The following B4GALNT3 variants were observed in gnomAD, a reference collection of about 807,000 sequenced individuals.
B4GALNT3 encodes beta-1,4-N-acetyl-galactosaminyltransferase 3, also known as beta-1,4-N-acetylgalactosaminyltransferase 3.
A neutral mutation model predicts 120.2 loss-of-function variants in B4GALNT3; 86 were observed. The ratio of observed to expected loss-of-function variants is 0.72; its 90% CI spans 0.60 to 0.86. B4GALNT3 has a LOEUF of 0.86. Among genes scored for constraint, B4GALNT3 ranks in the 40% least tolerant of loss-of-function variants. B4GALNT3 has a pLI of 0.00. For missense variants in B4GALNT3, 1,167 were observed against 1,298.9 expected (o/e 0.90, Z 1.56); for synonymous variants, 518 against 510.4 (o/e 1.01, Z -0.20).
Position 553,283 on chromosome 12 carries a change from G to A in B4GALNT3, c.1360G>A (p.Glu454Lys), listed in dbSNP as rs199644183. ...CAACAACCAGAATGCCAGGATGCTTGAGGGAAGACAGACACCTGCCTCCAC... is the reference window on the plus strand; with the variant it reads ...CAACAACCAGAATGCCAGGATGCTTAAGGGAAGACAGACACCTGCCTCCAC... Reference protein sequence around the residue: ...ASNNQNARMLEGRQTPASTLE... With the variant: ...ASNNQNARMLKGRQTPASTLE... Residue 454 changes from glutamate (E) to lysine (K), a missense_variant, in exon 14 of 20, where the codon GAG becomes AAG. Physicochemically the swap from Glu to Lys is moderately conservative, Grantham distance 56. Coordinates refer to ENST00000266383, the MANE Select transcript of B4GALNT3 (RefSeq NM_173593.4). The A allele has an allele frequency of 7.9e-5, 128 of 1,613,526 alleles. 1 individual carries two copies. In the East Asian group the frequency reaches 1.7e-3, roughly 21 times the overall value.
intron 3 of B4GALNT3, among the ~76,000 whole-genome samples, chr12:541,833 C>T (rs149470355): frequency 0.08 from 7,326 of 91,102 alleles, 309 homozygotes; most frequent in East Asian, 0.19. Flanking sequence ...TGCCCAGTCC[C>T]CCCCCTCACC....
intron 1 of B4GALNT3, among the ~76,000 whole-genome samples, chr12:472,717 G>A (rs138982569): frequency 2.0e-5 from 3 of 152,134 alleles, no homozygotes; most frequent in East Asian, 3.9e-4. Flanking sequence ...GATTACAGGC[G>A]TGAGCCACCG....
In B4GALNT3 at chr12:558,062, C is replaced by G. The variant is rs773824391; in HGVS notation, c.2581C>G (p.Leu861Val). The G allele has an allele frequency of 3.7e-6, 6 of 1,613,794 alleles. No individual in the cohort carries two copies. The highest frequency in any genetic ancestry group is 1.6e-4 in the Middle Eastern group (1 of 6,084). Residue 861 changes from leucine to valine, a missense_variant, in exon 17 of 20, where the codon CTT becomes GTT. Leu to Val is a conservative substitution (Grantham distance 32, BLOSUM62 1). Coordinates refer to ENST00000266383, the MANE Select transcript of B4GALNT3 (RefSeq NM_173593.4). Reference sequence around the variant, plus strand: ...TGGAAACTTTGAACGCTCAGCTGGACTTCAGGCTGGCATAGACCTCGTGAA... The same window carrying G: ...TGGAAACTTTGAACGCTCAGCTGGAGTTCAGGCTGGCATAGACCTCGTGAA... ...LSGNFERSAGLQAGIDLVKDP... is the reference protein window; with the variant it reads ...LSGNFERSAGVQAGIDLVKDP...
At chr12:528,846 A>G (rs6489587) in intron 1 of B4GALNT3, among the ~76,000 whole-genome samples, 118,333 of 152,138 alleles carry the variant, frequency 0.78, 46,177 homozygotes, top group African/African-American at 0.81. Context: ...TCATGGCCTC[A>G]TGTTCATTCC....
rs908216849 is a variant in B4GALNT3 at position 504,951 on chromosome 12, C to T, written c.170-30215C>T. Among the ~76,000 whole-genome samples, 121 of 150,670 alleles carry T rather than the reference C, an allele frequency of 8.0e-4. 1 individual carries two copies. The highest frequency in any genetic ancestry group is 3.4e-3 in the Middle Eastern group (1 of 290). ...TGTTGCCCAGGATGGAGTGCAGTGG[C>T]GCGATCTCGGCTCACTGCAACCTCC... On this transcript the variant is annotated intron_variant, in intron 1 of 19. Transcript: ENST00000266383.
In B4GALNT3 at chr12:557,710, G is replaced by A. The variant is rs1947174137; in HGVS notation, c.2483G>A (p.Ser828Asn). 2.5e-6 allele frequency: 4 copies of A among 1,606,184 alleles called. No individual in the cohort carries two copies. Among genetic ancestry groups the A allele is most frequent in the Admixed American group, 3.5e-5 (2 of 57,652 alleles). The change falls in exon 16 of 20, where the codon AGC becomes AAC. Residue 828 changes from serine to asparagine, a missense_variant. Physicochemically the swap from Ser to Asn is conservative, Grantham distance 46 (BLOSUM62 1). This residue lies in a region of B4GALNT3 where 983 missense variants were observed against 1,102.5 expected (regional missense o/e 0.89). Transcript: ENST00000266383. ...PHFNIVITDYSSEDMDVEMAL... is the reference protein window; with the variant it reads ...PHFNIVITDYNSEDMDVEMAL... ...TTCAACATCGTCATCACTGACTATA[G>A]CAGTGAGGACATGGATGTTGAGATG...
chr12:543,652 G>T (rs1382962105), intron 3 of B4GALNT3, among the ~76,000 whole-genome samples: 3 of 75,528 alleles, frequency 4.0e-5, no homozygotes, highest in South Asian at 6.2e-4. Flanking sequence ...GAGCTGAGGA[G>T]CTGGGGCGGG....
chr12:473,957 G>A (rs1299427427), intron 1 of B4GALNT3, among the ~76,000 whole-genome samples: 1 of 152,192 alleles, frequency 6.6e-6, no homozygotes, highest in Non-Finnish European at 1.5e-5. Flanking sequence ...ACAGTCCTAA[G>A]ACAGATAACT....
At position 511,346 on chromosome 12, in the gene B4GALNT3, A is replaced by ACCTTCCACCTTCCACCTT. The variant is rs1946552868; in HGVS notation, c.170-23818_170-23801dup. Among the ~76,000 whole-genome samples the ACCTTCCACCTTCCACCTT allele has an allele frequency of 1.3e-4, 6 of 46,632 alleles. No homozygotes were observed. The Admixed American group carries it at 1.3e-3, about 10-fold the overall frequency. The allele number at this position is 46,632 out of a possible 152,430, so 30.6% of individuals were successfully genotyped here. A position where few individuals can be genotyped will look rare whatever the true frequency, so the allele number is the denominator to read the frequency against. Reference sequence around the variant, plus strand: ...GCCTTCCACCTTCCACCTTCCTTCCACCTTCCACCTTCCACCTTCAACCTT... The same window carrying ACCTTCCACCTTCCACCTT: ...GCCTTCCACCTTCCACCTTCCTTCCACCTTCCACCTTCCACCTTCCTTCCACCTTCCACCTTCAACCTT... On this transcript the variant is annotated intron_variant, in intron 1 of 19. Transcript: ENST00000266383.
rs562054517 is a variant in B4GALNT3, at chr12:547,439, A to G, written c.708-585A>G. On this transcript the variant is annotated intron_variant, in intron 7 of 19. Transcript: ENST00000266383. ...TCACTCATCCTACGCATGCAACAGAAGGCCGTGTGCACCCCATAAATATGC... is the reference window on the plus strand; with the variant it reads ...TCACTCATCCTACGCATGCAACAGAGGGCCGTGTGCACCCCATAAATATGC... Among the ~76,000 whole-genome samples the G allele has an allele frequency of 1.6e-4, 25 of 152,306 alleles. No individual in the cohort carries two copies. In the East Asian group the frequency reaches 2.3e-3, roughly 14 times the overall value.
At chr12:506,646 A>T (rs569544450) in intron 1 of B4GALNT3, among the ~76,000 whole-genome samples, 11 of 147,948 alleles carry the variant, frequency 7.4e-5, no homozygotes, top group South Asian at 2.1e-4. Flanking sequence ...TATTTTATTT[A>T]TTTTTTTTGA....
At chr12:512,173 CCTT>C (rs1946582908) in intron 1 of B4GALNT3, among the ~76,000 whole-genome samples, 1 of 86,532 alleles carries the variant, frequency 1.2e-5, no homozygotes, top group Admixed American at 1.3e-4. Context: ...CCACCTTCCG[CCTT>C]CCGCCTTCCA....
chr12:516,389 C>T (rs74812028), intron 1 of B4GALNT3, among the ~76,000 whole-genome samples: 5,356 of 152,104 alleles, frequency 0.035, 297 homozygotes, highest in African/African-American at 0.12. Context: ...AAGAAACCTT[C>T]GCAGGGAAGT....
At chr12:557,018 C>T in intron 15 of B4GALNT3, 152 bp downstream of exon 15, 1 of 864,356 alleles carries the variant, frequency 1.2e-6, no homozygotes. Flanking sequence ...AAAGGAAAGT[C>T]ACTGGTTTAA....
chr12:477,197 A>G (rs996633306), intron 1 of B4GALNT3, among the ~76,000 whole-genome samples: 1 of 152,198 alleles, frequency 6.6e-6, no homozygotes, highest in Non-Finnish European at 1.5e-5. Context: ...TTGTTTGCTG[A>G]GGATGCCTCC....
intron 1 of B4GALNT3, among the ~76,000 whole-genome samples, chr12:501,621 A>G (rs1201553253): frequency 1.3e-5 from 2 of 152,192 alleles, no homozygotes; most frequent in East Asian, 3.9e-4. Flanking sequence ...TCAGAGAACT[A>G]GAGGCTGAGG....
At chr12:531,215 A>T (rs1946803771) in intron 1 of B4GALNT3, among the ~76,000 whole-genome samples, 1 of 148,454 alleles carries the variant, frequency 6.7e-6, no homozygotes, top group African/African-American at 2.5e-5. Flanking sequence ...GACACCTGAG[A>T]CGCACTTGGT....
In B4GALNT3 at chr12:553,486, G is replaced by T. The variant is rs1228846392; in HGVS notation, c.1563G>T (p.Glu521Asp). 18 of 1,614,022 alleles carry T rather than the reference G, an allele frequency of 1.1e-5. No individual in the cohort carries two copies. Among genetic ancestry groups the T allele is most frequent in the Non-Finnish European group, 1.4e-5 (17 of 1,180,044 alleles). The change falls in exon 14 of 20, where the codon GAG (glutamate) becomes GAT (aspartate). Residue 521 changes from glutamate (E) to aspartate (D), a missense_variant. By Grantham distance (45) the Glu-to-Asp change is conservative. Around this residue, in one of 3 missense-constraint regions of B4GALNT3, gnomAD observed 983 missense variants for 1,102.5 expected, o/e 0.89. Coordinates refer to ENST00000266383, the MANE Select transcript of B4GALNT3 (RefSeq NM_173593.4). ...PEKRKQKPSPEPSQDSPHSDK... is the reference protein window; with the variant it reads ...PEKRKQKPSPDPSQDSPHSDK... ...AGAGGAAGCAAAAACCCAGCCCTGAGCCCAGCCAAGATTCACCTCATTCCG... is the reference window on the plus strand; with the variant it reads ...AGAGGAAGCAAAAACCCAGCCCTGATCCCAGCCAAGATTCACCTCATTCCG...
chr12:555,516 T>G (rs1947141747), intron 14 of B4GALNT3: 1 of 371,688 alleles, frequency 2.7e-6, no homozygotes. Context: ...TTCTACTTTT[T>G]GACTATTACA....
Sources: gnomAD v4.1 joint callset for allele counts (sites outside exome capture counted in the v4.1 genomes callset) on GRCh38, gnomAD v4.1.1 for gene constraint, gnomAD v4.1.1 regional missense constraint, MANE v1.5 for transcripts, NCBI Gene and HGNC (gene_info 2026-07-23, HGNC 2026-07-21) for gene names.